Variants in MOB1B observed in about 807,000 individuals in gnomAD.
MOB1B encodes MOB kinase activator 1B, also known as MOB1 Mps One Binder homolog B.
Under a neutral mutation model 24.4 loss-of-function variants are expected in MOB1B, and 19 were observed. That is an observed-to-expected ratio of 0.78 (90% CI 0.54 to 1.14). The LOEUF is 1.14. Among genes scored for constraint, MOB1B ranks in the 50% most tolerant of loss-of-function variants. The pLI, the probability that MOB1B is intolerant of heterozygous loss-of-function variation, is 0.00. For missense variants in MOB1B, 243 were observed against 259.6 expected (o/e 0.94, Z 0.44); for synonymous variants, 76 against 82.1 (o/e 0.93, Z 0.40).
intron 1 of MOB1B, among the ~76,000 whole-genome samples, chr4:70,921,509 C>CCCCTCCCCTG (rs1468868421): frequency 7.8e-6 from 1 of 127,776 alleles, no homozygotes; most frequent in Non-Finnish European, 1.7e-5. Flanking sequence ...CCCCTCCCCT[C>CCCCTCCCCTG]CCCTTCCCTT....
At chr4:70,973,469 C>CAAAAAAAA (rs528813623) in intron 3 of MOB1B, among the ~76,000 whole-genome samples, 1 of 49,426 alleles carries the variant, frequency 2.0e-5, no homozygotes, top group Non-Finnish European at 4.8e-5. Flanking sequence ...GACCCTGTCT[C>CAAAAAAAA]AAAAAAAAAA....
intron 1 of MOB1B, among the ~76,000 whole-genome samples, chr4:70,948,965 A>G (rs1737689207): frequency 1.3e-5 from 2 of 152,096 alleles, no homozygotes; most frequent in South Asian, 4.2e-4. Context: ...ATTGGGATTC[A>G]CTTGTGCAAA....
At chr4:70,932,620 T>TA (rs1736928318) in intron 1 of MOB1B, among the ~76,000 whole-genome samples, 1 of 152,136 alleles carries the variant, frequency 6.6e-6, no homozygotes, top group African/African-American at 2.4e-5. Flanking sequence ...CTCACTAAAT[T>TA]GTGGAGTTGC....
intron 2 of MOB1B, among the ~76,000 whole-genome samples, chr4:70,960,424 A>G (rs999849035): frequency 2.6e-5 from 4 of 152,236 alleles, no homozygotes; most frequent in African/African-American, 9.6e-5. Flanking sequence ...TAAAAATAAA[A>G]TGAAATTTCA....
intron 1 of MOB1B, among the ~76,000 whole-genome samples, chr4:70,918,182 C>T (rs867584026): frequency 6.6e-6 from 1 of 152,168 alleles, no homozygotes; most frequent in African/African-American, 2.4e-5. Flanking sequence ...GATCCATCCA[C>T]AAAGCCAGGC....
In MOB1B at chr4:70,940,377, C is replaced by T. The variant is rs189918343; in HGVS notation, c.15-18497C>T. Reference sequence around the variant, plus strand: ...GGTGGAGGTTGCAGTGAGCTAAGATCGCACCACTGCACTCTAGCCTGGGTG... The same window carrying T: ...GGTGGAGGTTGCAGTGAGCTAAGATTGCACCACTGCACTCTAGCCTGGGTG... On this transcript the variant is annotated intron_variant, in intron 1 of 5. Transcript: ENST00000309395. Among the ~76,000 whole-genome samples the T allele has an allele frequency of 2.2e-3, 330 of 152,216 alleles. 1 individual carries two copies. The highest frequency in any genetic ancestry group is 7.6e-3 in the African/African-American group (317 of 41,542).
At chr4:70,920,711 C>T (rs1201317291) in intron 1 of MOB1B, among the ~76,000 whole-genome samples, 1 of 152,194 alleles carries the variant, frequency 6.6e-6, no homozygotes, top group African/African-American at 2.4e-5. Flanking sequence ...CCCTGCTTGA[C>T]TGTATGCAGA....
intron 1 of MOB1B, among the ~76,000 whole-genome samples, chr4:70,954,690 A>G (rs1343705164): frequency 6.6e-6 from 1 of 150,936 alleles, no homozygotes; most frequent in Non-Finnish European, 1.5e-5. Flanking sequence ...TCCTGACCTC[A>G]TGATCTGCCC....
Position 70,982,075 on chromosome 4 carries a change from C to G in MOB1B, c.*18C>G. The stretch of plus-strand genomic sequence containing the variant: ...ACAGATAAAAGGATGCAGAGCTGTG[C>G]AAATTGTTCCTCAAATGAAGCAGTG... On this transcript the variant is annotated 3_prime_UTR_variant, in exon 6 of 6. Transcript: ENST00000309395. 6.4e-7 allele frequency: 1 copy of G among 1,567,408 alleles called. No individual in the cohort carries two copies. The highest frequency in any genetic ancestry group is 8.8e-7 in the Non-Finnish European group (1 of 1,139,322).
At chr4:70,950,856 T>A in intron 1 of MOB1B, 1 of 1,099,980 alleles carries the variant, frequency 9.1e-7, no homozygotes, top group South Asian at 1.3e-5. Flanking sequence ...AGTAGTGAAG[T>A]TCTTAACATA....
At chr4:70,911,894 C>T (rs1332186198) in intron 1 of MOB1B, among the ~76,000 whole-genome samples, 2 of 151,086 alleles carry the variant, frequency 1.3e-5, no homozygotes, top group Non-Finnish European at 2.9e-5. Flanking sequence ...AACTTAAGGC[C>T]ATCTTTTTTT....
intron 1 of MOB1B, chr4:70,950,654 C>A: frequency 3.0e-6 from 3 of 987,338 alleles, no homozygotes; most frequent in Non-Finnish European, 4.5e-6. Flanking sequence ...ACAAAGCTTG[C>A]GGTAAATGTT....
intron 2 of MOB1B, among the ~76,000 whole-genome samples, chr4:70,966,596 ACTC>A (rs1427000043): frequency 1.3e-5 from 2 of 150,524 alleles, no homozygotes; most frequent in African/African-American, 2.4e-5. Flanking sequence ...CTGGTCTCGA[ACTC>A]CTGACCTCAG....
At chr4:70,970,850 A>G (rs1311482235) in intron 3 of MOB1B, among the ~76,000 whole-genome samples, 1 of 152,238 alleles carries the variant, frequency 6.6e-6, no homozygotes, top group Non-Finnish European at 1.5e-5. Context: ...GAGGTAAAAG[A>G]AGTTGGCAGT....
intron 1 of MOB1B, among the ~76,000 whole-genome samples, chr4:70,922,136 T>G (rs1183457792): frequency 6.6e-6 from 1 of 152,224 alleles, no homozygotes; most frequent in African/African-American, 2.4e-5. Context: ...CTTAGTAACC[T>G]AAAACTTTAG....
chr4:70,935,064 G>C (rs1425764665), intron 1 of MOB1B, among the ~76,000 whole-genome samples: 1 of 152,072 alleles, frequency 6.6e-6, no homozygotes, highest in Non-Finnish European at 1.5e-5. Flanking sequence ...TGGGACTACA[G>C]GTGCAGTGCA....
chr4:70,904,155 G>A (rs984701824), intron 1 of MOB1B, among the ~76,000 whole-genome samples: 2 of 150,976 alleles, frequency 1.3e-5, no homozygotes, highest in Non-Finnish European at 3.0e-5. Flanking sequence ...GCTAATTTTT[G>A]TATTTTTAAT....
chr4:70,912,659 C>T (rs1188388799), intron 1 of MOB1B, among the ~76,000 whole-genome samples: 3 of 152,280 alleles, frequency 2.0e-5, no homozygotes, highest in East Asian at 3.9e-4. Context: ...ATTCCTTATC[C>T]AGAAACCCCA....
At chr4:70,965,826 T>TAAAAAAAA (rs1738504246) in intron 2 of MOB1B, among the ~76,000 whole-genome samples, 1 of 132,122 alleles carries the variant, frequency 7.6e-6, no homozygotes. Context: ...AAAAAAAAAG[T>TAAAAAAAA]TGTAAGAGAA....
Sources: gnomAD v4.1 joint callset for allele counts (sites outside exome capture counted in the v4.1 genomes callset) on GRCh38, gnomAD v4.1.1 for gene constraint, MANE v1.5 for transcripts, NCBI Gene and HGNC (gene_info 2026-07-23, HGNC 2026-07-21) for gene names.